PRPS1L1: variants seen among roughly 807,000 people sequenced by gnomAD.
PRPS1L1 encodes ribose-phosphate pyrophosphokinase 3.
A neutral mutation model predicts 16.4 loss-of-function variants in PRPS1L1; 12 were observed. That is an observed-to-expected ratio of 0.73 (90% CI 0.47 to 1.19). The LOEUF (loss-of-function observed/expected upper bound fraction) is 1.19, where lower values mean the gene tolerates loss of function less well. Among genes scored for constraint, PRPS1L1 ranks in the 50% most tolerant of loss-of-function variants. PRPS1L1 has a pLI of 0.00. For synonymous variants in PRPS1L1, 153 were observed against 142.5 expected (o/e 1.07, Z -0.53); for missense variants, 408 against 395.8 (o/e 1.03, Z -0.26).
chr7:18,027,808 G>A lies in PRPS1L1; in HGVS notation c.-26C>T, dbSNP rs759621686. ...CTTGGCCAACTACCAGAGGCACTCC[G>A]TCGAGCGATCCAGCTGCCGCTGAGG... On this transcript the variant is annotated 5_prime_UTR_variant, in exon 1 of 1. The change creates a new upstream start codon in the 5' untranslated region. Transcript: ENST00000506618. 1.9e-6 allele frequency: 3 copies of A among 1,606,894 alleles called. No individual in the cohort carries two copies. Among genetic ancestry groups the A allele is most frequent in the Non-Finnish European group, 1.7e-6 (2 of 1,173,606 alleles).
rs1368773433 is a variant in PRPS1L1 at position 18,027,079 on chromosome 7, T to C, written c.704A>G (p.Lys235Arg). ...TCTGGTTGCTCCAGCTGAGAGAAGT[T>C]TGTCAGCTGCGAGGCAGATTGTAAC... Residue 235 changes from lysine (K) to arginine (R), a missense_variant, in exon 1 of 1, where the codon AAA becomes AGA. Transcript: ENST00000506618. 3 of 1,614,240 alleles carry C rather than the reference T, an allele frequency of 1.9e-6. No individual in the cohort carries two copies. The highest frequency in any genetic ancestry group is 2.5e-6 in the Non-Finnish European group (3 of 1,180,028).
In PRPS1L1 at chr7:18,026,935, T is replaced by A. The variant is rs796511018; in HGVS notation, c.848A>T (p.His283Leu). 1.9e-6 allele frequency: 3 copies of A among 1,614,194 alleles called. No homozygotes were observed. The African/African-American group carries it at 4.0e-5, about 22-fold the overall frequency. ...GTCAATTACTCGTATTTTGGAGCAATGCTTCATCTTCTCATCTTGAGGTAT... is the reference window on the plus strand; with the variant it reads ...GTCAATTACTCGTATTTTGGAGCAAAGCTTCATCTTCTCATCTTGAGGTAT... The change falls in exon 1 of 1, where the codon CAT becomes CTT. Residue 283 changes from histidine to leucine, a missense_variant. Transcript: ENST00000506618.
chr7:18,026,859 A>T lies in PRPS1L1; in HGVS notation c.924T>A (p.Ser308=). 1 of 1,610,522 alleles carries T rather than the reference A, an allele frequency of 6.2e-7. No homozygotes were observed. The highest frequency in any genetic ancestry group is 2.2e-5 in the East Asian group (1 of 44,854). The stretch of plus-strand genomic sequence containing the variant: ...GAACATGGCTGAACAGGTAGGAAAC[A>T]GATTCCCCATTATGAGTTCTCCTTA... Residue 308 remains serine, a synonymous_variant, in exon 1 of 1, where the codon TCT becomes TCA. Transcript: ENST00000506618.
In PRPS1L1 at chr7:18,027,088, G is replaced by T. The variant is rs1583924540; in HGVS notation, c.695C>A (p.Ala232Glu). The T allele has an allele frequency of 6.2e-7, 1 of 1,614,130 alleles. No individual in the cohort carries two copies. The highest frequency in any genetic ancestry group is 1.3e-5 in the African/African-American group (1 of 74,942). Residue 232 changes from alanine (A) to glutamate (E), a missense_variant, in exon 1 of 1, where the codon GCA (alanine) becomes GAA (glutamate). Transcript: ENST00000506618. ...TCCAGCTGAGAGAAGTTTGTCAGCT[G>T]CGAGGCAGATTGTAACACAAGTGTC...
At position 18,027,627 on chromosome 7, in the gene PRPS1L1, A is replaced by G; in HGVS notation, c.156T>C (p.Asp52=). 1.2e-6 allele frequency: 2 copies of G among 1,614,042 alleles called. No individual in the cohort carries two copies. The highest frequency in any genetic ancestry group is 1.7e-6 in the Non-Finnish European group (2 of 1,180,030). ...CACAACCACTCTGAACGATGTAGAC[A>G]TCCTCTCCACGCACACTCTCATCAA... The change falls in exon 1 of 1, where the codon GAT becomes GAC. Residue 52 remains aspartate (D), a synonymous_variant. Transcript: ENST00000506618.
rs1448703266 is a variant in PRPS1L1, at chr7:18,026,847, C to T, written c.936G>A (p.Leu312=). 3 of 1,604,482 alleles carry T rather than the reference C, an allele frequency of 1.9e-6. No homozygotes were observed. Among genetic ancestry groups the T allele is most frequent in the East Asian group, 2.2e-5 (1 of 44,828 alleles). The change falls in exon 1 of 1, where the codon CTG becomes CTA. Residue 312 remains leucine, a synonymous_variant. Coordinates refer to ENST00000506618, the MANE Select transcript of PRPS1L1 (RefSeq NM_175886.3). ...TCTGTTATAAAGGAACATGGCTGAA[C>T]AGGTAGGAAACAGATTCCCCATTAT...
chr7:18,027,061 G>A lies in PRPS1L1; in HGVS notation c.722C>T (p.Ala241Val). The change falls in exon 1 of 1, where the codon GCA (alanine) becomes GTA (valine). Residue 241 changes from alanine (A) to valine (V), a missense_variant. Transcript: ENST00000506618. ...AGTCAAGATAGCATAAACTCTGGTT[G>A]CTCCAGCTGAGAGAAGTTTGTCAGC... The A allele has an allele frequency of 6.2e-7, 1 of 1,614,234 alleles. No homozygotes were observed. Among genetic ancestry groups the A allele is most frequent in the Non-Finnish European group, 8.5e-7 (1 of 1,180,044 alleles).
chr7:18,027,298 C>T lies in PRPS1L1; in HGVS notation c.485G>A (p.Trp162Ter). 6.2e-7 allele frequency: 1 copy of T among 1,614,180 alleles called. No homozygotes were observed. Among genetic ancestry groups the T allele is most frequent in the Non-Finnish European group, 8.5e-7 (1 of 1,180,044 alleles). Residue 162 changes from tryptophan (W) to a stop codon, truncating the protein, a stop_gained, in exon 1 of 1, where the codon TGG becomes TAG. Coordinates refer to ENST00000506618, the MANE Select transcript of PRPS1L1 (RefSeq NM_175886.3). LOFTEE classifies it high-confidence loss of function. ...TGGCGAGACAATAATGCAGTTCTTCCACTCAGGGATATTCTCCCTTATCCA... is the reference window on the plus strand; with the variant it reads ...TGGCGAGACAATAATGCAGTTCTTCTACTCAGGGATATTCTCCCTTATCCA...
In PRPS1L1 at chr7:18,026,824, T is replaced by G; in HGVS notation, c.*2A>C. 6.5e-7 allele frequency: 1 copy of G among 1,546,790 alleles called. No homozygotes were observed. Among genetic ancestry groups the G allele is most frequent in the Non-Finnish European group, 8.8e-7 (1 of 1,139,768 alleles). On this transcript the variant is annotated 3_prime_UTR_variant, in exon 1 of 1. Transcript: ENST00000506618. ...AAATAGCATAACCTAGAAGTTATTC[T>G]GTTATAAAGGAACATGGCTGAACAG...
At position 18,027,477 on chromosome 7, in the gene PRPS1L1, C is replaced by G; in HGVS notation, c.306G>C (p.Lys102Asn). 6.2e-7 allele frequency: 1 copy of G among 1,614,184 alleles called. No homozygotes were observed. The stretch of plus-strand genomic sequence containing the variant: ...GCTTGGCAGAGATTGGGGACCGGCT[C>G]TTATCCTTCTTATCCTGTCGGGCAT... Residue 102 changes from lysine to asparagine, a missense_variant, in exon 1 of 1, where the codon AAG (lysine) becomes AAC (asparagine). Physicochemically the swap from Lys to Asn is moderately conservative, Grantham distance 94 (BLOSUM62 0). Coordinates refer to ENST00000506618, the MANE Select transcript of PRPS1L1 (RefSeq NM_175886.3).
Position 18,027,804 on chromosome 7 carries a change from C to G in PRPS1L1, c.-22G>C. 1.2e-6 allele frequency: 2 copies of G among 1,609,416 alleles called. No homozygotes were observed. Among genetic ancestry groups the G allele is most frequent in the Non-Finnish European group, 1.7e-6 (2 of 1,175,764 alleles). The stretch of plus-strand genomic sequence containing the variant: ...GCGTCTTGGCCAACTACCAGAGGCA[C>G]TCCGTCGAGCGATCCAGCTGCCGCT... On this transcript the variant is annotated 5_prime_UTR_variant, in exon 1 of 1. Coordinates refer to ENST00000506618, the MANE Select transcript of PRPS1L1 (RefSeq NM_175886.3).
At position 18,027,309 on chromosome 7, in the gene PRPS1L1, A is replaced by T. The variant is rs1486940140; in HGVS notation, c.474T>A (p.Asn158Lys). 1 of 1,614,136 alleles carries T rather than the reference A, an allele frequency of 6.2e-7. No homozygotes were observed. The highest frequency in any genetic ancestry group is 8.5e-7 in the Non-Finnish European group (1 of 1,180,036). ...TAATGCAGTTCTTCCACTCAGGGAT[A>T]TTCTCCCTTATCCACTTCAGGACAG... Residue 158 changes from asparagine (N) to lysine (K), a missense_variant, in exon 1 of 1, where the codon AAT becomes AAA. Asn to Lys is a moderately conservative substitution (Grantham distance 94). Coordinates refer to ENST00000506618, the MANE Select transcript of PRPS1L1 (RefSeq NM_175886.3).
In PRPS1L1 at chr7:18,027,252, T is replaced by C. The variant is rs1583924798; in HGVS notation, c.531A>G (p.Arg177=). 6.2e-7 allele frequency: 1 copy of C among 1,614,216 alleles called. No homozygotes were observed. The highest frequency in any genetic ancestry group is 8.5e-7 in the Non-Finnish European group (1 of 1,180,046). The change falls in exon 1 of 1, where the codon AGA becomes AGG. Residue 177 remains arginine, a synonymous_variant. Transcript: ENST00000506618. The stretch of plus-strand genomic sequence containing the variant: ...TCAACTGGTCTGCAATGGAGGTCAC[T>C]CTTTTAGCTCCACCAGCATCTGGCG...
At position 18,027,492 on chromosome 7, in the gene PRPS1L1, C is replaced by T; in HGVS notation, c.291G>A (p.Gln97=). Residue 97 remains glutamine (Q), a synonymous_variant, in exon 1 of 1, where the codon CAG becomes CAA. Transcript: ENST00000506618. ...GGGACCGGCTCTTATCCTTCTTATC[C>T]TGTCGGGCATAAGGGAAGCATGGGA... 3.7e-6 allele frequency: 6 copies of T among 1,614,182 alleles called. No individual in the cohort carries two copies. Among genetic ancestry groups the T allele is most frequent in the Non-Finnish European group, 5.1e-6 (6 of 1,180,028 alleles).
rs745797270 is a variant in PRPS1L1 at position 18,027,793 on chromosome 7, T to C, written c.-11A>G. ...TTTGATATTCGGCGTCTTGGCCAAC[T>C]ACCAGAGGCACTCCGTCGAGCGATC... On this transcript the variant is annotated 5_prime_UTR_variant, in exon 1 of 1. Coordinates refer to ENST00000506618, the MANE Select transcript of PRPS1L1 (RefSeq NM_175886.3). The C allele has an allele frequency of 6.8e-6, 11 of 1,611,146 alleles. No homozygotes were observed. The highest frequency in any genetic ancestry group is 9.3e-6 in the Non-Finnish European group (11 of 1,177,474).
chr7:18,027,671 G>C lies in PRPS1L1; in HGVS notation c.112C>G (p.Gln38Glu). Reference sequence around the variant, plus strand: ...TCATCAATTTCCACGCAGGTCTCCTGGTTGCTGAATTTCTTAGTCACCACC... The same window carrying C: ...TCATCAATTTCCACGCAGGTCTCCTCGTTGCTGAATTTCTTAGTCACCACC... Residue 38 changes from glutamine (Q) to glutamate (E), a missense_variant, in exon 1 of 1, where the codon CAG becomes GAG. Gln to Glu is a conservative substitution (Grantham distance 29). Coordinates refer to ENST00000506618, the MANE Select transcript of PRPS1L1 (RefSeq NM_175886.3). 2 of 1,614,082 alleles carry C rather than the reference G, an allele frequency of 1.2e-6. No individual in the cohort carries two copies. Among genetic ancestry groups the C allele is most frequent in the Non-Finnish European group, 1.7e-6 (2 of 1,180,034 alleles).
chr7:18,027,230 A>T lies in PRPS1L1; in HGVS notation c.553T>A (p.Leu185Met). 3.7e-6 allele frequency: 6 copies of T among 1,614,202 alleles called. No homozygotes were observed. Among genetic ancestry groups the T allele is most frequent in the Non-Finnish European group, 5.1e-6 (6 of 1,180,038 alleles). The stretch of plus-strand genomic sequence containing the variant: ...TGAATCAAAGCAAAGTCCACATTCA[A>T]CTGGTCTGCAATGGAGGTCACTCTT... The change falls in exon 1 of 1, where the codon TTG becomes ATG. Residue 185 changes from leucine to methionine, a missense_variant. Physicochemically the swap from Leu to Met is conservative, Grantham distance 15. Coordinates refer to ENST00000506618, the MANE Select transcript of PRPS1L1 (RefSeq NM_175886.3).
chr7:18,027,104 C>G lies in PRPS1L1; in HGVS notation c.679G>C (p.Val227Leu). 5 of 1,614,244 alleles carry G rather than the reference C, an allele frequency of 3.1e-6. No homozygotes were observed. Among genetic ancestry groups the G allele is most frequent in the Non-Finnish European group, 4.2e-6 (5 of 1,180,040 alleles). ...TTGTCAGCTGCGAGGCAGATTGTAA[C>G]ACAAGTGTCTGCCATGTCATCTACA... The change falls in exon 1 of 1, where the codon GTT (valine) becomes CTT (leucine). Residue 227 changes from valine (V) to leucine (L), a missense_variant. Coordinates refer to ENST00000506618, the MANE Select transcript of PRPS1L1 (RefSeq NM_175886.3).
Position 18,026,903 on chromosome 7 carries a change from T to C in PRPS1L1, c.880A>G (p.Met294Val), listed in dbSNP as rs1782193470. Residue 294 changes from methionine (M) to valine (V), a missense_variant, in exon 1 of 1, where the codon ATG becomes GTG. Met to Val is a conservative substitution (Grantham distance 21). Coordinates refer to ENST00000506618, the MANE Select transcript of PRPS1L1 (RefSeq NM_175886.3). ...CTCCTTATGGCTTCTGCAAGGATCATGGAGATGTCAATTACTCGTATTTTG... is the reference window on the plus strand; with the variant it reads ...CTCCTTATGGCTTCTGCAAGGATCACGGAGATGTCAATTACTCGTATTTTG... The C allele has an allele frequency of 6.2e-7, 1 of 1,613,880 alleles. No homozygotes were observed. Among genetic ancestry groups the C allele is most frequent in the South Asian group, 1.1e-5 (1 of 91,082 alleles).
Sources: allele counts gnomAD v4.1 joint callset, GRCh38; gene constraint gnomAD v4.1.1; transcripts MANE v1.5; gene names NCBI Gene and HGNC (gene_info 2026-07-23, HGNC 2026-07-21).